PPFIBP2: variants seen among roughly 807,000 people sequenced by gnomAD.
PPFIBP2 encodes the protein liprin-beta-2.
Under a neutral mutation model 118.3 loss-of-function variants are expected in PPFIBP2, and 118 were observed. The observed-to-expected ratio is 1.00, with a 90% CI of 0.86 to 1.16. The LOEUF is 1.16. Among genes scored for constraint, PPFIBP2 ranks in the 50% most tolerant of loss-of-function variants. The probability of loss-of-function intolerance (pLI) is 0.00; values close to 1 mark genes in which losing one functional copy is unlikely to be tolerated. For synonymous variants in PPFIBP2, 414 were observed against 397.4 expected (o/e 1.04, Z -0.50); for missense variants, 1,195 against 1,073.1 (o/e 1.11, Z -1.59).
chr11:7,541,188 G>A (rs1021861128), intron 1 of PPFIBP2, among the ~76,000 whole-genome samples: 1 of 152,216 alleles, frequency 6.6e-6, no homozygotes, highest in African/African-American at 2.4e-5. Context: ...TAAAGGTCAG[G>A]CTCTCTACTT....
intron 7 of PPFIBP2, among the ~76,000 whole-genome samples, chr11:7,621,353 G>A (rs549029154): frequency 3.3e-5 from 5 of 152,266 alleles, no homozygotes; most frequent in African/African-American, 7.2e-5. Context: ...TGAATCATGC[G>A]TCCTAAAGCA....
intron 3 of PPFIBP2, among the ~76,000 whole-genome samples, chr11:7,582,965 A>G (rs562333485): frequency 6.6e-6 from 1 of 152,166 alleles, no homozygotes; most frequent in South Asian, 2.1e-4. Flanking sequence ...CTTCTCCTCA[A>G]TTCTCAGGGA....
In PPFIBP2 at chr11:7,639,778, A is replaced by G. The variant is rs1851905484; in HGVS notation, c.1283A>G (p.Lys428Arg). Residue 428 changes from lysine to arginine, a missense_variant, in exon 15 of 24, where the codon AAG becomes AGG. Coordinates refer to ENST00000299492, the MANE Select transcript of PPFIBP2 (RefSeq NM_003621.5). ...CACAAATATCCCACTTTACCTGGGAAGCTTTCAGGAGCCACGCCCAATGGA... is the reference window on the plus strand; with the variant it reads ...CACAAATATCCCACTTTACCTGGGAGGCTTTCAGGAGCCACGCCCAATGGA... ...AEHKYPTLPG[K>R]LSGATPNGEA... is the part of the protein sequence containing the mutation. 3 of 1,614,192 alleles carry G rather than the reference A, an allele frequency of 1.9e-6. No individual in the cohort carries two copies. Among genetic ancestry groups the G allele is most frequent in the Middle Eastern group, 1.7e-4 (1 of 6,060 alleles).
At chr11:7,657,868 C>T (rs1424599787), downstream of PPFIBP2, among the ~76,000 whole-genome samples, 1 of 152,244 alleles carries the variant, frequency 6.6e-6, no homozygotes, top group Non-Finnish European at 1.5e-5. Flanking sequence ...CATACCCGTC[C>T]TCACCACAAA....
chr11:7,645,718 C>G (rs1241639460), intron 17 of PPFIBP2, among the ~76,000 whole-genome samples: 1 of 151,826 alleles, frequency 6.6e-6, no homozygotes, highest in African/African-American at 2.4e-5. Flanking sequence ...GAGATGATGC[C>G]CAGAGCTCTA....
At chr11:7,556,402 C>T (rs971773498) in intron 2 of PPFIBP2, among the ~76,000 whole-genome samples, 5 of 152,164 alleles carry the variant, frequency 3.3e-5, no homozygotes, top group Non-Finnish European at 5.9e-5. Context: ...TTGCAATGAT[C>T]GTGCCACTGC....
At position 7,565,747 on chromosome 11, in the gene PPFIBP2, G is replaced by A. The variant is rs144052877; in HGVS notation, c.259G>A (p.Glu87Lys). Residue 87 changes from glutamate to lysine, a missense_variant, in exon 3 of 24, where the codon GAA becomes AAA. Glu to Lys is a moderately conservative substitution (Grantham distance 56, BLOSUM62 1). Coordinates refer to ENST00000299492, the MANE Select transcript of PPFIBP2 (RefSeq NM_003621.5). ...TGGCCCAACAGCTGCCTACATAAAG[G>A]AATGGTTTGAAGAGAGCTTGGTGAG... ...IPGPTAAYIK[E>K]WFEESLSQVN... is the part of the protein sequence containing the mutation. 2.9e-5 allele frequency: 47 copies of A among 1,614,164 alleles called. 2 individuals carry two copies. The African/African-American group carries it at 3.9e-4, about 13-fold the overall frequency.
At chr11:7,604,718 C>T (rs754997425) in intron 5 of PPFIBP2, among the ~76,000 whole-genome samples, 6 of 152,142 alleles carry the variant, frequency 3.9e-5, no homozygotes, top group Non-Finnish European at 8.8e-5. Context: ...ATGTTTATAG[C>T]CTGAGGATTG....
intron 1 of PPFIBP2, among the ~76,000 whole-genome samples, chr11:7,536,968 A>G (rs1851284501): frequency 6.6e-6 from 1 of 152,190 alleles, no homozygotes; most frequent in Non-Finnish European, 1.5e-5. Context: ...TGAAGTGGGC[A>G]GGTAGAAGGG....
intron 1 of PPFIBP2, 64 bp from the exon 2 acceptor site, chr11:7,549,376 G>T (rs7122137): frequency 4.7e-5 from 67 of 1,411,474 alleles, no homozygotes; most frequent in Non-Finnish European, 6.4e-5. Context: ...AGATTTTTGC[G>T]ATCTTGTGTG....
intron 3 of PPFIBP2, among the ~76,000 whole-genome samples, chr11:7,568,018 C>G (rs1050165017): frequency 6.6e-6 from 1 of 152,236 alleles, no homozygotes; most frequent in Non-Finnish European, 1.5e-5. Flanking sequence ...TTAGGCAGCA[C>G]TGCCCAGCGC....
chr11:7,561,014 G>C lies in PPFIBP2; in HGVS notation c.65-4539G>C, dbSNP rs1854241168. Among the ~76,000 whole-genome samples, 3 of 152,138 alleles carry C rather than the reference G, an allele frequency of 2.0e-5. 1 individual carries two copies. In the South Asian group the frequency reaches 6.2e-4, roughly 32 times the overall value. On this transcript the variant is annotated intron_variant, in intron 2 of 23. Coordinates refer to ENST00000299492, the MANE Select transcript of PPFIBP2 (RefSeq NM_003621.5). ...GGACTTTTTCTTATTGATAGATAAGGTCTCTTTTTGTATGAAGGCTATACT... is the reference window on the plus strand; with the variant it reads ...GGACTTTTTCTTATTGATAGATAAGCTCTCTTTTTGTATGAAGGCTATACT...
chr11:7,542,974 A>T (rs998138045), intron 1 of PPFIBP2, among the ~76,000 whole-genome samples: 5 of 152,230 alleles, frequency 3.3e-5, no homozygotes, highest in African/African-American at 1.2e-4. Context: ...TAAAAGACTC[A>T]CAGCCATTAT....
the PPFIBP2 span, chr11:7,665,640 G>C: frequency 6.7e-6 from 9 of 1,347,640 alleles, no homozygotes; most frequent in South Asian, 1.3e-4. Context: ...CCAGGGAGGA[G>C]GTGACAAGCT....
At chr11:7,593,427 G>A (rs1239441573) in intron 4 of PPFIBP2, among the ~76,000 whole-genome samples, 2 of 152,210 alleles carry the variant, frequency 1.3e-5, no homozygotes, top group African/African-American at 4.8e-5. Context: ...TAGGGGGGCT[G>A]TGAATTCAGT....
Position 7,549,493 on chromosome 11 carries a change from T to A in PPFIBP2, c.18T>A (p.Ser6Arg). MASDA[S>R]HALEAALEQM... Reference sequence around the variant, plus strand: ...AAGGAGTCATGGCTTCTGATGCTAGTCATGCGCTGGAAGCTGCCCTGGAGC... The same window carrying A: ...AAGGAGTCATGGCTTCTGATGCTAGACATGCGCTGGAAGCTGCCCTGGAGC... Residue 6 changes from serine to arginine, a missense_variant, in exon 2 of 24, where the codon AGT becomes AGA. By Grantham distance (110) the Ser-to-Arg change is moderately radical (BLOSUM62 -1). Transcript: ENST00000299492. 6.4e-7 allele frequency: 1 copy of A among 1,562,590 alleles called. No individual in the cohort carries two copies. Among genetic ancestry groups the A allele is most frequent in the Non-Finnish European group, 8.7e-7 (1 of 1,153,128 alleles).
At chr11:7,620,423 G>T (rs758524192) in intron 6 of PPFIBP2, among the ~76,000 whole-genome samples, 2 of 151,916 alleles carry the variant, frequency 1.3e-5, no homozygotes, top group Non-Finnish European at 2.9e-5. Context: ...ACCCATTTTG[G>T]CATCTATATT....
chr11:7,655,259 A>G (rs150343556), downstream of PPFIBP2, among the ~76,000 whole-genome samples: 232 of 152,322 alleles, frequency 1.5e-3, 1 homozygote, highest in African/African-American at 5.2e-3. Flanking sequence ...AAACAGGAGC[A>G]GCATGTGCTC....
chr11:7,666,598 G>A, the PPFIBP2 span: 2 of 1,395,802 alleles, frequency 1.4e-6, no homozygotes, highest in Non-Finnish European at 1.0e-6. Context: ...CCATCCTCTT[G>A]TTCCCTGGAC....
Sources: allele counts gnomAD v4.1 joint callset (sites outside exome capture counted in the v4.1 genomes callset), GRCh38; gene constraint gnomAD v4.1.1; transcripts MANE v1.5; gene names NCBI Gene and HGNC (gene_info 2026-07-23, HGNC 2026-07-21).